The following CAMK1D variants were observed in gnomAD, a reference collection of about 807,000 sequenced individuals.
CAMK1D encodes the protein calcium/calmodulin-dependent protein kinase type 1D.
Under a neutral mutation model 47.7 loss-of-function variants are expected in CAMK1D, and 9 were observed. The ratio of observed to expected loss-of-function variants is 0.19; its 90% confidence interval spans 0.11 to 0.33. The LOEUF (loss-of-function observed/expected upper bound fraction) is 0.33, where lower values mean the gene tolerates loss of function less well. Among genes scored for constraint, CAMK1D ranks in the 10% least tolerant of loss-of-function variants. The probability of loss-of-function intolerance (pLI) is 1.00; values close to 1 mark genes in which losing one functional copy is unlikely to be tolerated. For missense variants in CAMK1D, 291 were observed against 488.7 expected, an observed-to-expected ratio of 0.60 and a Z score of 3.81; for synonymous variants, 184 against 184.9, an observed-to-expected ratio of 0.99 and a Z score of 0.04.
chr10:12,703,249 G>A (rs1017667569), intron 3 of CAMK1D, among the ~76,000 whole-genome samples: 1 of 152,200 alleles, frequency 6.6e-6, no homozygotes, highest in Non-Finnish European at 1.5e-5. Flanking sequence ...AGTCTCTCCA[G>A]AATTTAACAC....
chr10:12,678,844 C>G, intron 3 of CAMK1D, among the ~76,000 whole-genome samples: 1 of 152,012 alleles, frequency 6.6e-6, no homozygotes, highest in East Asian at 1.9e-4. Context: ...CTTGCTGCAA[C>G]CTCCGCCTCC....
chr10:12,363,132 G>T (rs1837727453), intron 1 of CAMK1D, among the ~76,000 whole-genome samples: 1 of 149,338 alleles, frequency 6.7e-6, no homozygotes, highest in South Asian at 2.1e-4. Context: ...GTGAAGACAG[G>T]GTTTCACCAT....
intron 1 of CAMK1D, among the ~76,000 whole-genome samples, chr10:12,429,334 TTCTC>T (rs925681088): frequency 6.6e-6 from 1 of 150,804 alleles, no homozygotes; most frequent in East Asian, 2.0e-4. Context: ...CCCTTCCCCA[TTCTC>T]TCTCTCTTTT....
intron 2 of CAMK1D, among the ~76,000 whole-genome samples, chr10:12,555,739 C>A (rs1836738834): frequency 6.6e-6 from 1 of 152,304 alleles, no homozygotes; most frequent in East Asian, 1.9e-4. Context: ...ACGTTGGGCA[C>A]AGGGGCTGTC....
intron 1 of CAMK1D, among the ~76,000 whole-genome samples, chr10:12,499,508 A>G (rs1019321360): frequency 1.3e-5 from 2 of 152,196 alleles, no homozygotes; most frequent in Admixed American, 1.3e-4. Flanking sequence ...GCCCTGAGGC[A>G]TTAGGATTGA....
At chr10:12,608,487 A>G (rs1292362564) in intron 2 of CAMK1D, among the ~76,000 whole-genome samples, 2 of 152,212 alleles carry the variant, frequency 1.3e-5, no homozygotes, top group African/African-American at 4.8e-5. Flanking sequence ...TCAGACTGTC[A>G]GCTTTTAAGT....
intron 1 of CAMK1D, among the ~76,000 whole-genome samples, chr10:12,483,671 AAAG>A (rs1361207318): frequency 6.6e-6 from 1 of 151,660 alleles, no homozygotes; most frequent in Non-Finnish European, 1.5e-5. Flanking sequence ...GCCTCTAAAA[AAAG>A]AGATCCAATT....
At chr10:12,444,945 A>C (rs1436311926) in intron 1 of CAMK1D, among the ~76,000 whole-genome samples, 1 of 152,220 alleles carries the variant, frequency 6.6e-6, no homozygotes, top group Non-Finnish European at 1.5e-5. Flanking sequence ...GGGATTCGCT[A>C]CAGAATGTAG....
intron 2 of CAMK1D, among the ~76,000 whole-genome samples, chr10:12,605,764 C>T (rs1033571703): frequency 6.6e-6 from 1 of 152,220 alleles, no homozygotes; most frequent in Non-Finnish European, 1.5e-5. Flanking sequence ...TGTCCTTGGA[C>T]AGGGCCATGG....
intron 2 of CAMK1D, among the ~76,000 whole-genome samples, chr10:12,557,906 AGCTAACATGTCC>A (rs1313854451): frequency 6.6e-6 from 1 of 152,200 alleles, no homozygotes; most frequent in Non-Finnish European, 1.5e-5. Context: ...GAAGTGATGT[AGCTAACATGTCC>A]TTAAGGATGT....
intron 1 of CAMK1D, among the ~76,000 whole-genome samples, chr10:12,424,610 A>C (rs146974277): frequency 7.2e-5 from 11 of 152,172 alleles, no homozygotes; most frequent in Admixed American, 6.5e-4. Flanking sequence ...GTCCAAAGTG[A>C]TTCTCAAAGT....
At position 12,544,832 on chromosome 10, in the gene CAMK1D, AAGTGGATAGTACTAGTGTTG is replaced by A. The variant is rs1564402588; in HGVS notation, c.93-8365_93-8346del. Among the ~76,000 whole-genome samples the A allele has an allele frequency of 8.7e-5, 9 of 103,648 alleles. No homozygotes were observed. The South Asian group carries it at 1.1e-3, about 13-fold the overall frequency. 68.0% of individuals were successfully genotyped at this position (103,648 alleles called of 152,430 possible). On this transcript the variant is annotated intron_variant, in intron 1 of 10. Transcript: ENST00000619168. Reference sequence around the variant, plus strand: ...GTGTTGAGTGGATAGTACTAGTGTTAAGTGGATAGTACTAGTGTTGAGTGGATAGTACTAGTGTTGAGTGG... The same window carrying A: ...GTGTTGAGTGGATAGTACTAGTGTTAAGTGGATAGTACTAGTGTTGAGTGG...
In CAMK1D at chr10:12,694,186, T is replaced by TATATAATATATATTATGC. The variant is rs1564498382; in HGVS notation, c.299+27379_299+27380insTAATATATATTATGCATA. On this transcript the variant is annotated intron_variant, in intron 3 of 10. Coordinates refer to ENST00000619168, the MANE Select transcript of CAMK1D (RefSeq NM_153498.4). ...TATGCATAATATATATTATATATAATATAATATATATTATATATTATGTAT... is the reference window on the plus strand; with the variant it reads ...TATGCATAATATATATTATATATAATATATAATATATATTATGCATAATATATATTATATATTATGTAT... Among the ~76,000 whole-genome samples, 16 of 42,296 alleles carry TATATAATATATATTATGC rather than the reference T, an allele frequency of 3.8e-4. 2 individuals are homozygous for TATATAATATATATTATGC. Among genetic ancestry groups the TATATAATATATATTATGC allele is most frequent in the East Asian group, 8.9e-4 (1 of 1,124 alleles). 27.7% of individuals were successfully genotyped at this position (42,296 alleles called of 152,430 possible). A position where few individuals can be genotyped will look rare whatever the true frequency, so the allele number is the denominator to read the frequency against.
At chr10:12,624,151 A>G (rs1008318046) in intron 2 of CAMK1D, among the ~76,000 whole-genome samples, 1 of 152,142 alleles carries the variant, frequency 6.6e-6, no homozygotes. Context: ...TGTCTTAGAA[A>G]AAAATCATTC....
intron 3 of CAMK1D, among the ~76,000 whole-genome samples, chr10:12,729,427 G>A (rs1834792892): frequency 6.6e-6 from 1 of 152,154 alleles, no homozygotes; most frequent in African/African-American, 2.4e-5. Flanking sequence ...CTTGAGGTCG[G>A]GGGTTCAAGA....
At position 12,815,245 on chromosome 10, in the gene CAMK1D, T is replaced by C. The variant is rs1193958543; in HGVS notation, c.754+938T>C. Among the ~76,000 whole-genome samples, 5 of 152,310 alleles carry C rather than the reference T, an allele frequency of 3.3e-5. No individual in the cohort carries two copies. In the South Asian group the frequency reaches 8.3e-4, roughly 25 times the overall value. On this transcript the variant is annotated intron_variant, in intron 7 of 10. Coordinates refer to ENST00000619168, the MANE Select transcript of CAMK1D (RefSeq NM_153498.4). ...CAAAACCAAGGCCTGTGTAAATTAA[T>C]GAAATCTCTCTAAGCCTCAGTTTTC...
chr10:12,646,679 A>G lies in CAMK1D; in HGVS notation c.225-20057A>G, dbSNP rs572417040. ...ACGTGATTAGCCTGGTATCCTGCAC[A>G]TACTAAGCTCTGAGTAAATGATAGT... On this transcript the variant is annotated intron_variant, in intron 2 of 10. Transcript: ENST00000619168. Among the ~76,000 whole-genome samples the G allele has an allele frequency of 1.2e-4, 19 of 152,340 alleles. No homozygotes were observed. The South Asian group carries it at 3.5e-3, about 28-fold the overall frequency.
At chr10:12,644,218 G>C (rs1839754216) in intron 2 of CAMK1D, among the ~76,000 whole-genome samples, 1 of 152,116 alleles carries the variant, frequency 6.6e-6, no homozygotes, top group Non-Finnish European at 1.5e-5. Context: ...CCCGCCCTAT[G>C]GTCCCTCTCA....
intron 1 of CAMK1D, among the ~76,000 whole-genome samples, chr10:12,541,653 C>T (rs1055848826): frequency 2.6e-5 from 4 of 152,196 alleles, no homozygotes; most frequent in Admixed American, 6.5e-5. Flanking sequence ...AGCCACTGCG[C>T]CCAGCTGACT....
Sources: allele counts gnomAD v4.1 joint callset (sites outside exome capture counted in the v4.1 genomes callset), GRCh38; gene constraint gnomAD v4.1.1; transcripts MANE v1.5; gene names NCBI Gene and HGNC (gene_info 2026-07-23, HGNC 2026-07-21).